The following SETBP1 variants were observed in gnomAD, a reference collection of about 807,000 sequenced individuals.
The protein encoded by SETBP1 is SET-binding protein.
A neutral mutation model predicts 101.0 loss-of-function variants in SETBP1; 9 were observed. The observed-to-expected ratio is 0.09, with a 90% CI of 0.05 to 0.16. The LOEUF is 0.16. SETBP1 is among the 10% of genes least tolerant of loss of function. The pLI, the probability that SETBP1 is intolerant of heterozygous loss-of-function variation, is 1.00. For missense variants in SETBP1, 1,858 were observed against 2,033.8 expected (o/e 0.91, Z 1.66); for synonymous variants, 818 against 788.5 (o/e 1.04, Z -0.63).
intron 3 of SETBP1, among the ~76,000 whole-genome samples, chr18:44,878,777 G>A (rs62090637): frequency 0.019 from 2,953 of 152,042 alleles, 42 homozygotes; most frequent in South Asian, 0.061. Context: ...TACTCACCCC[G>A]TTTCCTACCA....
intron 2 of SETBP1, among the ~76,000 whole-genome samples, chr18:44,833,501 T>TG (rs1862716279): frequency 6.6e-6 from 1 of 152,194 alleles, no homozygotes; most frequent in African/African-American, 2.4e-5. Context: ...GTCTGTCCTT[T>TG]GGCCTTCCTG....
At chr18:44,750,371 A>G (rs1406641097) in intron 2 of SETBP1, among the ~76,000 whole-genome samples, 2 of 152,110 alleles carry the variant, frequency 1.3e-5, no homozygotes, top group African/African-American at 4.8e-5. Context: ...ATTTTCTTAT[A>G]AAAACACTAA....
intron 3 of SETBP1, among the ~76,000 whole-genome samples, chr18:44,905,158 C>T (rs1018028415): frequency 2.0e-5 from 3 of 151,986 alleles, no homozygotes; most frequent in South Asian, 2.1e-4. Context: ...AGCAGGTGTC[C>T]GGGTACCACA....
At chr18:44,926,758 AAACAAACAACAACAAC>A (rs1481212057) in intron 3 of SETBP1, among the ~76,000 whole-genome samples, 1 of 149,886 alleles carries the variant, frequency 6.7e-6, no homozygotes, top group Non-Finnish European at 1.5e-5. Context: ...ACAAACAAAC[AAACAAACAACAACAAC>A]AACAACAACA....
rs189445744 is a variant in SETBP1, at chr18:44,922,075, A to C, written c.541-27806A>C. On this transcript the variant is annotated intron_variant, in intron 3 of 5. Coordinates refer to ENST00000649279, the MANE Select transcript of SETBP1 (RefSeq NM_015559.3). ...GATGTATAAGCATAAGAGATACCCA[A>C]ATATTCCATTTTGGTTACTTTGCAT... Among the ~76,000 whole-genome samples the C allele has an allele frequency of 6.5e-4, 99 of 152,338 alleles. 1 individual carries two copies. Among genetic ancestry groups the C allele is most frequent in the African/African-American group, 2.3e-3 (94 of 41,568 alleles).
intron 5 of SETBP1, among the ~76,000 whole-genome samples, chr18:45,052,867 G>A (rs149292397): frequency 9.1e-4 from 138 of 152,248 alleles, no homozygotes; most frequent in African/African-American, 2.9e-3. Flanking sequence ...TAGAGTATTC[G>A]AGCCCTTTGA....
intron 2 of SETBP1, among the ~76,000 whole-genome samples, chr18:44,818,753 TCACACA>T (rs34683605): frequency 4.5e-4 from 63 of 140,566 alleles, no homozygotes; most frequent in African/African-American, 5.4e-4. Context: ...ACGCACACAC[TCACACA>T]CACACACACA....
chr18:45,024,446 A>G (rs2073126485), intron 4 of SETBP1, among the ~76,000 whole-genome samples: 1 of 152,068 alleles, frequency 6.6e-6, no homozygotes, highest in Non-Finnish European at 1.5e-5. Context: ...CTCAGAGGCA[A>G]TATCTCTCTA....
intron 2 of SETBP1, among the ~76,000 whole-genome samples, chr18:44,795,784 G>C (rs2071462198): frequency 6.6e-6 from 1 of 152,042 alleles, no homozygotes. Context: ...TTGTTAAATA[G>C]AACTCAGTCA....
chr18:44,704,114 C>T (rs184379198), intron 2 of SETBP1, among the ~76,000 whole-genome samples: 6 of 152,270 alleles, frequency 3.9e-5, no homozygotes, highest in Admixed American at 3.9e-4. Flanking sequence ...TTTCCTAAAG[C>T]CACTGATTGT....
chr18:44,682,522 C>T (rs557448194), intron 1 of SETBP1, among the ~76,000 whole-genome samples: 1 of 152,274 alleles, frequency 6.6e-6, no homozygotes, highest in South Asian at 2.1e-4. Context: ...TCCTTAAACT[C>T]CCTGAGGGAG....
intron 3 of SETBP1, among the ~76,000 whole-genome samples, chr18:44,948,141 TTGA>T (rs576319224): frequency 6.7e-4 from 102 of 152,242 alleles, no homozygotes; most frequent in Non-Finnish European, 1.2e-3. Context: ...CTATATGTTG[TTGA>T]TGGTGGTGTT....
intron 5 of SETBP1, among the ~76,000 whole-genome samples, chr18:45,042,830 G>A (rs1384015319): frequency 1.3e-5 from 2 of 152,144 alleles, no homozygotes; most frequent in African/African-American, 4.8e-5. Flanking sequence ...GTGAGCTACT[G>A]GGAGGGAGGA....
chr18:44,860,174 A>G (rs2068971504), intron 2 of SETBP1, among the ~76,000 whole-genome samples: 1 of 152,222 alleles, frequency 6.6e-6, no homozygotes, highest in Non-Finnish European at 1.5e-5. Context: ...AATGATGAGA[A>G]GAAGAGGAAA....
chr18:45,063,667 C>T lies in SETBP1; in HGVS notation c.4760C>T (p.Ser1587Phe), dbSNP rs2073928777. The T allele has an allele frequency of 1.9e-6, 3 of 1,608,676 alleles. No homozygotes were observed. The highest frequency in any genetic ancestry group is 1.3e-5 in the African/African-American group (1 of 74,752). Residue 1587 changes from serine (S) to phenylalanine (F), a missense_variant, in exon 6 of 6, where the codon TCC becomes TTC. Physicochemically the swap from Ser to Phe is radical, Grantham distance 155. Coordinates refer to ENST00000649279, the MANE Select transcript of SETBP1 (RefSeq NM_015559.3). The part of the protein sequence containing the change: ...EEVKAKRQRK[S>F]RGSESEVLP ...GTGAAAGCCAAAAGGCAGAGGAAGTCCCGAGGGAGTGAGAGCGAGGTCCTT... is the reference window on the plus strand; with the variant it reads ...GTGAAAGCCAAAAGGCAGAGGAAGTTCCGAGGGAGTGAGAGCGAGGTCCTT...
chr18:45,052,033 A>G (rs907795637), intron 5 of SETBP1, among the ~76,000 whole-genome samples: 2 of 122,658 alleles, frequency 1.6e-5, no homozygotes, highest in Admixed American at 8.4e-5. Flanking sequence ...ATTGATTTCA[A>G]GTAAGTCAGC....
intron 5 of SETBP1, among the ~76,000 whole-genome samples, chr18:45,059,848 G>C (rs887972140): frequency 2.6e-5 from 4 of 152,148 alleles, no homozygotes; most frequent in Non-Finnish European, 5.9e-5. Context: ...AAAACTCTAT[G>C]AGGTTGCCTT....
intron 2 of SETBP1, among the ~76,000 whole-genome samples, chr18:44,845,286 T>C (rs545985937): frequency 6.6e-6 from 1 of 152,292 alleles, no homozygotes; most frequent in African/African-American, 2.4e-5. Flanking sequence ...TAACATCTCC[T>C]GGAATCTCAG....
chr18:44,884,460 TG>T (rs1335385813), intron 3 of SETBP1, among the ~76,000 whole-genome samples: 1 of 152,194 alleles, frequency 6.6e-6, no homozygotes, highest in African/African-American at 2.4e-5. Context: ...TTGCCACTTT[TG>T]CCTGGGTGAG....
Sources: gnomAD v4.1 joint callset for allele counts (sites outside exome capture counted in the v4.1 genomes callset) on GRCh38, gnomAD v4.1.1 for gene constraint, MANE v1.5 for transcripts, NCBI Gene and HGNC (gene_info 2026-07-23, HGNC 2026-07-21) for gene names.